The following CD2AP variants were observed in gnomAD, a reference collection of about 807,000 sequenced individuals.
The protein encoded by CD2AP is CD2 associated protein.
In CD2AP, 46 loss-of-function variants were observed where a neutral mutation model predicts 85.1. The observed-to-expected ratio is 0.54, with a 90% CI of 0.43 to 0.69. CD2AP has a LOEUF of 0.69. CD2AP is among the 30% of genes least tolerant of loss of function. The probability of loss-of-function intolerance (pLI) is 0.00; values close to 1 mark genes in which losing one functional copy is unlikely to be tolerated. For missense variants in CD2AP, 769 were observed against 729.5 expected, an observed-to-expected ratio of 1.05 and a Z score of -0.62; for synonymous variants, 255 against 252.9, an observed-to-expected ratio of 1.01 and a Z score of -0.08.
intron 17 of CD2AP, among the ~76,000 whole-genome samples, chr6:47,613,497 T>C (rs1769500828): frequency 6.8e-6 from 1 of 147,828 alleles, no homozygotes; most frequent in Non-Finnish European, 1.5e-5. Flanking sequence ...GTTCATATTT[T>C]AAAAATAATC....
At chr6:47,622,726 T>C (rs1769788834) in intron 17 of CD2AP, among the ~76,000 whole-genome samples, 1 of 152,190 alleles carries the variant, frequency 6.6e-6, no homozygotes, top group Admixed American at 6.5e-5. Context: ...GTCCGCTTTC[T>C]TCAGAGGGTC....
chr6:47,557,086 C>T (rs1459537968), intron 5 of CD2AP, among the ~76,000 whole-genome samples: 2 of 151,096 alleles, frequency 1.3e-5, no homozygotes, highest in African/African-American at 4.9e-5. Context: ...TGATGGTGAG[C>T]TTTTTTTCAT....
intron 1 of CD2AP, among the ~76,000 whole-genome samples, chr6:47,492,293 G>T (rs1562001317): frequency 6.7e-6 from 1 of 149,786 alleles, no homozygotes; most frequent in African/African-American, 2.4e-5. Flanking sequence ...AAAGTTCAAA[G>T]ATGGTGCCTT....
intron 2 of CD2AP, among the ~76,000 whole-genome samples, chr6:47,511,401 G>T (rs970658862): frequency 6.6e-6 from 1 of 152,164 alleles, no homozygotes; most frequent in Non-Finnish European, 1.5e-5. Context: ...AGAGGCAAAG[G>T]AGACATAATA....
At chr6:47,493,354 G>T (rs1582472724) in intron 1 of CD2AP, among the ~76,000 whole-genome samples, 1 of 144,560 alleles carries the variant, frequency 6.9e-6, no homozygotes, top group East Asian at 2.0e-4. Flanking sequence ...CTAGGTTGGT[G>T]TTTTTTTTTT....
intron 5 of CD2AP, among the ~76,000 whole-genome samples, chr6:47,572,567 A>G (rs1768187286): frequency 6.6e-6 from 1 of 152,200 alleles, no homozygotes; most frequent in Non-Finnish European, 1.5e-5. Context: ...CACCTGTAAA[A>G]TGGTCATTTC....
chr6:47,549,181 T>C (rs1767447349), intron 4 of CD2AP, among the ~76,000 whole-genome samples: 2 of 152,116 alleles, frequency 1.3e-5, no homozygotes, highest in South Asian at 2.1e-4. Flanking sequence ...CTCTTCAACA[T>C]AGTACTGGAA....
chr6:47,516,249 G>T (rs555287925), intron 2 of CD2AP, among the ~76,000 whole-genome samples: 1 of 152,286 alleles, frequency 6.6e-6, no homozygotes, highest in African/African-American at 2.4e-5. Flanking sequence ...TCATGTGGCG[G>T]CACAACCTTC....
chr6:47,608,013 A>T lies in CD2AP; in HGVS notation c.1617A>T (p.Thr539=). 6.2e-7 allele frequency: 1 copy of T among 1,610,320 alleles called. No homozygotes were observed. The highest frequency in any genetic ancestry group is 8.5e-7 in the Non-Finnish European group (1 of 1,176,928). ...NLKPSELKKD[T]CYSPKPSVYL... is the part of the protein sequence containing the mutation. ...AGCCATCTGAATTAAAAAAAGATAC[A>T]TGCTACTCTCCAAAGGTGAGGTGCA... The change falls in exon 15 of 18, where the codon ACA becomes ACT. Residue 539 remains threonine, a synonymous_variant. Transcript: ENST00000359314.
intron 2 of CD2AP, among the ~76,000 whole-genome samples, chr6:47,510,319 T>TA (rs1478128632): frequency 3.3e-5 from 5 of 152,230 alleles, no homozygotes; most frequent in Non-Finnish European, 7.3e-5. Flanking sequence ...GAAGCAGTGA[T>TA]ACCTCAGTAG....
At chr6:47,540,968 A>G (rs979515397) in intron 3 of CD2AP, among the ~76,000 whole-genome samples, 1 of 152,226 alleles carries the variant, frequency 6.6e-6, no homozygotes, top group Non-Finnish European at 1.5e-5. Context: ...TAGGGACACT[A>G]TATTTCAAGA....
At chr6:47,516,252 C>T (rs1392074401) in intron 2 of CD2AP, among the ~76,000 whole-genome samples, 1 of 152,188 alleles carries the variant, frequency 6.6e-6, no homozygotes, top group Non-Finnish European at 1.5e-5. Context: ...TGTGGCGGCA[C>T]AACCTTCTGG....
chr6:47,544,817 TA>T (rs1055989551), intron 4 of CD2AP, 111 bp downstream of exon 4: 19 of 702,640 alleles, frequency 2.7e-5, no homozygotes, highest in East Asian at 5.4e-5. Flanking sequence ...TGTCACTTTT[TA>T]AAAAAAATGG....
chr6:47,583,825 T>C (rs1270194626), intron 11 of CD2AP, among the ~76,000 whole-genome samples: 1 of 152,192 alleles, frequency 6.6e-6, no homozygotes, highest in Admixed American at 6.5e-5. Flanking sequence ...TTGAGTTTTG[T>C]AGGCGCAACT....
At chr6:47,589,518 A>G (rs1356994251) in intron 11 of CD2AP, among the ~76,000 whole-genome samples, 2 of 119,990 alleles carry the variant, frequency 1.7e-5, no homozygotes, top group African/African-American at 2.8e-5. Context: ...ATACGTATGT[A>G]CACACATATA....
In CD2AP at chr6:47,599,425, A is replaced by G. The variant is rs1769051831; in HGVS notation, c.1399A>G (p.Arg467Gly). 6.2e-7 allele frequency: 1 copy of G among 1,612,340 alleles called. No homozygotes were observed. The change falls in exon 13 of 18, where the codon AGG becomes GGG. Residue 467 changes from arginine (R) to glycine (G), a missense_variant. Coordinates refer to ENST00000359314, the MANE Select transcript of CD2AP (RefSeq NM_012120.3). The stretch of plus-strand genomic sequence containing the variant: ...AGTAGACTTTGATTCACTTACAGTA[A>G]GGACCTCCAAAGAAACAGGTAAGTC... The part of the protein sequence containing the change: ...KSVDFDSLTV[R>G]TSKETDVVNF...
chr6:47,607,024 C>A (rs765462286), intron 14 of CD2AP, among the ~76,000 whole-genome samples: 5 of 151,892 alleles, frequency 3.3e-5, no homozygotes, highest in Non-Finnish European at 5.9e-5. Context: ...TCCATTAGTT[C>A]AGTTGTTTTA....
intron 5 of CD2AP, among the ~76,000 whole-genome samples, chr6:47,558,508 G>T (rs1393071310): frequency 6.6e-6 from 1 of 152,122 alleles, no homozygotes; most frequent in Non-Finnish European, 1.5e-5. Flanking sequence ...TCAATACCTA[G>T]TTTGTTGAGT....
At chr6:47,594,302 T>C (rs1768878172) in intron 11 of CD2AP, among the ~76,000 whole-genome samples, 1 of 152,110 alleles carries the variant, frequency 6.6e-6, no homozygotes, top group East Asian at 1.9e-4. Context: ...AAATAAAATC[T>C]AGTACATAAA....
Sources: gnomAD v4.1 joint callset for allele counts (sites outside exome capture counted in the v4.1 genomes callset) on GRCh38, gnomAD v4.1.1 for gene constraint, MANE v1.5 for transcripts, NCBI Gene and HGNC (gene_info 2026-07-23, HGNC 2026-07-21) for gene names.